Variants in RABGAP1 observed in about 807,000 individuals in gnomAD.
The protein encoded by RABGAP1 is rab GTPase-activating protein 1.
A neutral mutation model predicts 137.6 loss-of-function variants in RABGAP1; 23 were observed. The ratio of observed to expected loss-of-function variants is 0.17; its 90% confidence interval spans 0.12 to 0.24. The LOEUF (loss-of-function observed/expected upper bound fraction) is 0.24. Among genes scored for constraint, RABGAP1 ranks in the 10% least tolerant of loss-of-function variants. The pLI, the probability that RABGAP1 is intolerant of heterozygous loss-of-function variation, is 1.00. For synonymous variants in RABGAP1, 451 were observed against 450.7 expected (o/e 1.00, Z -0.01); for missense variants, 906 against 1,275.8 (o/e 0.71, Z 4.42).
intron 2 of RABGAP1, among the ~76,000 whole-genome samples, chr9:122,967,639 CT>C (rs1213723497): frequency 6.6e-6 from 1 of 152,164 alleles, no homozygotes; most frequent in African/African-American, 2.4e-5. Context: ...CTTACTCTTC[CT>C]GTTTCTACTT....
At chr9:123,000,067 G>A (rs901618383) in intron 10 of RABGAP1, among the ~76,000 whole-genome samples, 18 of 151,746 alleles carry the variant, frequency 1.2e-4, no homozygotes, top group African/African-American at 3.1e-4. Flanking sequence ...CATTGAGCAG[G>A]TTTTCTTTTA....
intron 13 of RABGAP1, among the ~76,000 whole-genome samples, chr9:123,028,175 G>A (rs181710155): frequency 1.3e-5 from 2 of 152,240 alleles, no homozygotes; most frequent in Admixed American, 1.3e-4. Context: ...ACCATGCTGG[G>A]GTTTTACTTG....
chr9:123,004,953 G>C (rs2030078799), intron 10 of RABGAP1, among the ~76,000 whole-genome samples: 1 of 151,576 alleles, frequency 6.6e-6, no homozygotes, highest in African/African-American at 2.4e-5. Flanking sequence ...CTACTCGGGA[G>C]GCCGAGGCAG....
chr9:123,067,240 G>A (rs2034205699), intron 14 of RABGAP1, among the ~76,000 whole-genome samples: 1 of 152,166 alleles, frequency 6.6e-6, no homozygotes, highest in African/African-American at 2.4e-5. Context: ...TCCTGTCTTT[G>A]TCTAGGTTGA....
rs1301708832 is a variant in RABGAP1 at position 123,103,864 on chromosome 9, T to C, written c.*651T>C. 1 of 152,012 alleles carries C rather than the reference T, an allele frequency of 6.6e-6. No individual in the cohort carries two copies. Among genetic ancestry groups the C allele is most frequent in the East Asian group, 1.9e-4 (1 of 5,158 alleles). The allele number at this position is 152,012 out of a possible 1,614,324, so 9.4% of individuals were successfully genotyped here. A position where few individuals can be genotyped will look rare whatever the true frequency, so the allele number is the denominator to read the frequency against. ...GCAACTCTCATAGTTCCTGTTACTT[T>C]TTAGCATTAGCTGCCAAATGACTTC... On this transcript the variant is annotated 3_prime_UTR_variant, in exon 26 of 26. Coordinates refer to ENST00000373647, the MANE Select transcript of RABGAP1 (RefSeq NM_012197.4).
At chr9:123,035,591 G>A (rs762536237) in intron 13 of RABGAP1, 1 of 1,597,774 alleles carries the variant, frequency 6.3e-7, no homozygotes, top group Admixed American at 1.7e-5. Flanking sequence ...AGAAGCAAAG[G>A]CCCTCTTAAT....
chr9:122,976,119 A>C (rs1835748467), intron 2 of RABGAP1, among the ~76,000 whole-genome samples: 1 of 152,222 alleles, frequency 6.6e-6, no homozygotes, highest in South Asian at 2.1e-4. Flanking sequence ...AGAATTATGA[A>C]TAAACAATTC....
intron 2 of RABGAP1, chr9:122,971,879 A>G (rs1835491042): frequency 6.6e-6 from 1 of 152,208 alleles, no homozygotes; most frequent in Non-Finnish European, 1.5e-5. Context: ...ATGGAAGAAA[A>G]TACTTGAAGA....
chr9:123,044,675 G>A (rs2033126517), intron 13 of RABGAP1, among the ~76,000 whole-genome samples: 1 of 151,982 alleles, frequency 6.6e-6, no homozygotes, highest in East Asian at 1.9e-4. Context: ...ATATGAGTAT[G>A]TGTGCTGGTA....
intron 21 of RABGAP1, among the ~76,000 whole-genome samples, chr9:123,091,675 G>A (rs1442449129): frequency 1.3e-5 from 2 of 151,900 alleles, no homozygotes; most frequent in African/African-American, 4.8e-5. Flanking sequence ...CCCTCTGCTT[G>A]TCTGCTTGTC....
chr9:123,029,324 T>G, intron 13 of RABGAP1: 1 of 686,550 alleles, frequency 1.5e-6, no homozygotes, highest in Non-Finnish European at 2.6e-6. Context: ...CTCATTTTTT[T>G]TTTTTACTTA....
At chr9:122,982,424 G>C (rs1435219100) in intron 2 of RABGAP1, among the ~76,000 whole-genome samples, 1 of 152,178 alleles carries the variant, frequency 6.6e-6, no homozygotes, top group Non-Finnish European at 1.5e-5. Flanking sequence ...TATCCCAACA[G>C]AAAACTTAGG....
At chr9:123,045,720 A>C (rs2033175803) in intron 13 of RABGAP1, among the ~76,000 whole-genome samples, 1 of 152,052 alleles carries the variant, frequency 6.6e-6, no homozygotes, top group South Asian at 2.1e-4. Context: ...ATTACTTCGT[A>C]CTCTTGGATC....
chr9:123,075,939 C>T (rs570188872), intron 17 of RABGAP1, among the ~76,000 whole-genome samples: 1 of 152,264 alleles, frequency 6.6e-6, no homozygotes, highest in Non-Finnish European at 1.5e-5. Flanking sequence ...GAGTTATTTC[C>T]TGAGAGATCA....
chr9:122,933,685 G>A, the RABGAP1 span, among the ~76,000 whole-genome samples: 1 of 151,866 alleles, frequency 6.6e-6, no homozygotes, highest in Admixed American at 6.6e-5. Context: ...GAAGTGCAGT[G>A]GCAATCTCGG....
At chr9:122,988,832 A>T (rs1836505553) in intron 4 of RABGAP1, among the ~76,000 whole-genome samples, 1 of 151,832 alleles carries the variant, frequency 6.6e-6, no homozygotes, top group Non-Finnish European at 1.5e-5. Flanking sequence ...AATCCCAGCT[A>T]CTTGGGAGGC....
intron 6 of RABGAP1, among the ~76,000 whole-genome samples, chr9:122,993,618 A>G (rs1382774331): frequency 1.3e-5 from 2 of 152,000 alleles, no homozygotes; most frequent in African/African-American, 2.4e-5. Context: ...CATTTTGCCC[A>G]TGGGAAAACT....
chr9:123,065,301 T>C (rs766011126), intron 13 of RABGAP1, 47 bp from the exon 14 acceptor site: 3 of 1,366,742 alleles, frequency 2.2e-6, no homozygotes, highest in Non-Finnish European at 3.1e-6. Context: ...AATAAGAGTT[T>C]ACATGATTAA....
intron 13 of RABGAP1, among the ~76,000 whole-genome samples, chr9:123,024,514 A>T (rs1456954523): frequency 4.7e-5 from 7 of 150,116 alleles, no homozygotes; most frequent in Non-Finnish European, 1.0e-4. Flanking sequence ...ATCTCAGCTC[A>T]CTGCAACCTC....
Sources: allele counts gnomAD v4.1 joint callset (sites outside exome capture counted in the v4.1 genomes callset), GRCh38; gene constraint gnomAD v4.1.1; transcripts MANE v1.5; gene names NCBI Gene and HGNC (gene_info 2026-07-23, HGNC 2026-07-21).